Variants in ROBO2 observed in about 807,000 individuals in gnomAD.
ROBO2 encodes the protein roundabout guidance receptor 2.
In ROBO2, 53 loss-of-function variants were observed where a neutral mutation model predicts 160.8. The observed-to-expected ratio is 0.33, with a 90% CI of 0.26 to 0.41. The LOEUF is 0.41. Among genes scored for constraint, ROBO2 ranks in the 10% least tolerant of loss-of-function variants. ROBO2 has a pLI of 1.00. For synonymous variants in ROBO2, 664 were observed against 611.7 expected (o/e 1.09, Z -1.26); for missense variants, 1,577 against 1,722.4 (o/e 0.92, Z 1.49).
chr3:77,296,002 C>T (rs375948489), intron 2 of ROBO2, among the ~76,000 whole-genome samples: 4 of 143,388 alleles, frequency 2.8e-5, no homozygotes, highest in South Asian at 2.2e-4. Flanking sequence ...GATGGTTAAA[C>T]GGGAAGTTGA....
At chr3:76,212,654 T>C (rs1413011345) in intron 2 of ROBO2, among the ~76,000 whole-genome samples, 1 of 152,118 alleles carries the variant, frequency 6.6e-6, no homozygotes, top group African/African-American at 2.4e-5. Flanking sequence ...ACAAGTGTGG[T>C]AGGATTTATC....
rs1339192195 is a variant in ROBO2, at chr3:76,750,208, T to G, written c.110-347806T>G. Among the ~76,000 whole-genome samples the G allele has an allele frequency of 2.0e-5, 3 of 152,054 alleles. No homozygotes were observed. In the East Asian group the frequency reaches 5.8e-4, roughly 29 times the overall value. ...CCAAAGAAAAAACCACATGATTATC[T>G]CAGTAGATGCAGAAAAGGCCTTTGA... On this transcript the variant is annotated intron_variant, in intron 2 of 26. Transcript: ENST00000487694.
chr3:76,668,281 A>G (rs1044042829), intron 2 of ROBO2, among the ~76,000 whole-genome samples: 1 of 150,046 alleles, frequency 6.7e-6, no homozygotes, highest in East Asian at 2.0e-4. Context: ...AAAAAATTGT[A>G]GAGAGAGAAA....
intron 2 of ROBO2, among the ~76,000 whole-genome samples, chr3:76,697,734 A>G (rs1162240316): frequency 6.6e-6 from 1 of 151,908 alleles, no homozygotes; most frequent in Non-Finnish European, 1.5e-5. Flanking sequence ...GTAAAATTCC[A>G]CTCTTTTTTG....
At chr3:76,717,942 A>G (rs951354411) in intron 2 of ROBO2, among the ~76,000 whole-genome samples, 2 of 152,198 alleles carry the variant, frequency 1.3e-5, no homozygotes, top group Admixed American at 1.3e-4. Context: ...GCTCCTATAT[A>G]TATTTATTTC....
chr3:75,954,557 CCA>C (rs957544978), intron 2 of ROBO2, among the ~76,000 whole-genome samples: 1 of 151,818 alleles, frequency 6.6e-6, no homozygotes, highest in Non-Finnish European at 1.5e-5. Context: ...CGTTATGTCC[CCA>C]CCCCTAACTC....
At position 76,873,556 on chromosome 3, in the gene ROBO2, T is replaced by TTAG. The variant is rs201518122; in HGVS notation, c.110-224441_110-224439dup. On this transcript the variant is annotated intron_variant, in intron 2 of 26. Coordinates refer to the ROBO2 transcript ENST00000487694. ...TTGCATTTCTTAAGGAAGTTAGTAG[T>TTAG]TAGTAGTAGTAGTAGTAGTCGTCGT... Among the ~76,000 whole-genome samples the TTAG allele has an allele frequency of 3.4e-4, 52 of 152,020 alleles. No individual in the cohort carries two copies. The East Asian group carries it at 3.7e-3, about 11-fold the overall frequency.
Position 77,040,865 on chromosome 3 carries a change from C to A in ROBO2, c.61+19C>A, listed in dbSNP as rs970426453. 1.2e-6 allele frequency: 2 copies of A among 1,613,850 alleles called. No homozygotes were observed. Among genetic ancestry groups the A allele is most frequent in the Admixed American group, 1.7e-5 (1 of 59,994 alleles). The stretch of plus-strand genomic sequence containing the variant: ...GTTGATGGTAAGTTAAAAATGCTTT[C>A]ATCTTTTTTTGCGCCCCCCACCCCC... On this transcript the variant is annotated intron_variant, in intron 1 of 25. Coordinates refer to ENST00000461745, the Ensembl canonical transcript of ROBO2.
At chr3:77,553,913 G>T (rs573655866) in intron 8 of ROBO2, among the ~76,000 whole-genome samples, 1 of 151,888 alleles carries the variant, frequency 6.6e-6, no homozygotes, top group South Asian at 2.1e-4. Flanking sequence ...TTATCCAGAA[G>T]TTCATTCATG....
At chr3:76,138,924 A>G (rs1021600002) in intron 2 of ROBO2, among the ~76,000 whole-genome samples, 23 of 152,152 alleles carry the variant, frequency 1.5e-4, no homozygotes, top group African/African-American at 5.3e-4. Flanking sequence ...TATCTGATCA[A>G]TGGTATGCCT....
intron 2 of ROBO2, among the ~76,000 whole-genome samples, chr3:76,399,151 A>T (rs2077663958): frequency 6.6e-6 from 1 of 151,836 alleles, no homozygotes; most frequent in African/African-American, 2.4e-5. Flanking sequence ...AAATAGAAGA[A>T]TTAAAGAAAC....
chr3:77,414,143 G>A (rs967098862), intron 2 of ROBO2, among the ~76,000 whole-genome samples: 7 of 152,142 alleles, frequency 4.6e-5, no homozygotes, highest in Non-Finnish European at 1.0e-4. Flanking sequence ...AACCAAATGA[G>A]TGTCTTATTC....
intron 21 of ROBO2, among the ~76,000 whole-genome samples, chr3:77,610,448 T>G (rs1413630795): frequency 1.3e-5 from 2 of 152,060 alleles, no homozygotes; most frequent in Admixed American, 1.3e-4. Flanking sequence ...GAAGAACTAA[T>G]AATCTCCCCA....
rs1449246911 is a variant in ROBO2, at chr3:77,642,658, T to C, written c.3935-2046T>C. 1 of 451,750 alleles carries C rather than the reference T, an allele frequency of 2.2e-6. No individual in the cohort carries two copies. Among genetic ancestry groups the C allele is most frequent in the Admixed American group, 2.4e-5 (1 of 41,358 alleles). The allele number at this position is 451,750 out of a possible 1,614,324, so 28.0% of individuals were successfully genotyped here. A position where few individuals can be genotyped will look rare whatever the true frequency, so the allele number is the denominator to read the frequency against. On this transcript the variant is annotated intron_variant, in intron 24 of 25. Coordinates refer to ENST00000461745, the Ensembl canonical transcript of ROBO2. The stretch of plus-strand genomic sequence containing the variant: ...AATTTTAGTCCATTCTAAACATTAT[T>C]CAAAATTTTTAGATCTTCCACCACC...
intron 2 of ROBO2, among the ~76,000 whole-genome samples, chr3:76,472,103 G>A (rs898002337): frequency 2.2e-4 from 20 of 92,876 alleles, no homozygotes; most frequent in African/African-American, 8.4e-4. Context: ...GTGTGTGTGC[G>A]CGTGTGCGTG....
chr3:76,696,650 G>A (rs1333962875), intron 2 of ROBO2, among the ~76,000 whole-genome samples: 2 of 152,164 alleles, frequency 1.3e-5, no homozygotes, highest in Non-Finnish European at 2.9e-5. Context: ...ATGATACGAA[G>A]TGACAGAATA....
chr3:76,865,183 T>A lies in ROBO2; in HGVS notation c.110-232831T>A, dbSNP rs76422785. ...GTGAGCATATAATCCACACCATTGC[T>A]TCTCAAATTATCATTGGTGAAGCAT... On this transcript the variant is annotated intron_variant, in intron 2 of 26. Coordinates refer to the ROBO2 transcript ENST00000487694. 9.7e-3 allele frequency among the ~76,000 whole-genome samples: 1,476 copies of A among 152,204 alleles called. 17 individuals are homozygous for A. The highest frequency in any genetic ancestry group is 0.034 in the African/African-American group (1,427 of 41,544).
chr3:77,253,987 AG>A, intron 2 of ROBO2, among the ~76,000 whole-genome samples: 1 of 152,248 alleles, frequency 6.6e-6, no homozygotes, highest in African/African-American at 2.4e-5. Flanking sequence ...GAGCACTGTA[AG>A]GAGACTTTGG....
rs547280252 is a variant in ROBO2, at chr3:76,980,934, A to G, written c.110-117080A>G. Among the ~76,000 whole-genome samples the G allele has an allele frequency of 2.0e-5, 3 of 152,284 alleles. 1 individual carries two copies. The highest frequency in any genetic ancestry group is 7.2e-5 in the African/African-American group (3 of 41,572). ...TATTTTATGTAAATTGATTCATATA[A>G]TATCATCTTGTCCTTTATCACTGGA... On this transcript the variant is annotated intron_variant, in intron 2 of 26. Transcript: ENST00000487694.
Sources: allele counts gnomAD v4.1 joint callset (sites outside exome capture counted in the v4.1 genomes callset), GRCh38; gene constraint gnomAD v4.1.1; transcripts MANE v1.5; gene names NCBI Gene and HGNC (gene_info 2026-07-23, HGNC 2026-07-21).